PHTF2: variants seen among roughly 807,000 people sequenced by gnomAD.
PHTF2 encodes the protein putative homeodomain transcription factor 2.
In PHTF2, 60 loss-of-function variants were observed where a neutral mutation model predicts 101.2. That is an observed-to-expected ratio of 0.59 (90% CI 0.48 to 0.73). The LOEUF is 0.73. Among genes scored for constraint, PHTF2 ranks in the 30% least tolerant of loss-of-function variants. The pLI is 0.00. For synonymous variants in PHTF2, 311 were observed against 307.3 expected, an observed-to-expected ratio of 1.01 and a Z score of -0.13; for missense variants, 747 against 908.7, an observed-to-expected ratio of 0.82 and a Z score of 2.29.
chr7:77,880,271 A>G (rs570765471), intron 3 of PHTF2, among the ~76,000 whole-genome samples: 4 of 152,290 alleles, frequency 2.6e-5, no homozygotes, highest in East Asian at 3.9e-4. Context: ...TAAGTTGTCA[A>G]ACTAATCTTT....
chr7:77,863,702 T>C (rs62462681), intron 3 of PHTF2, among the ~76,000 whole-genome samples: 34,731 of 151,420 alleles, frequency 0.23, 4,337 homozygotes, highest in South Asian at 0.29. Context: ...AATCATGTCC[T>C]GATAGGATTT....
At chr7:77,817,731 G>A (rs565689419) in intron 1 of PHTF2, among the ~76,000 whole-genome samples, 5 of 152,256 alleles carry the variant, frequency 3.3e-5, no homozygotes, top group Admixed American at 1.3e-4. Flanking sequence ...ATGTTTATTC[G>A]CTACATGTAT....
At chr7:77,895,475 C>A (rs1304736519) in intron 5 of PHTF2, among the ~76,000 whole-genome samples, 2 of 152,006 alleles carry the variant, frequency 1.3e-5, no homozygotes, top group Non-Finnish European at 2.9e-5. Context: ...TGCCATAATA[C>A]CTTTTATCCT....
Position 77,822,174 on chromosome 7 carries a change from T to C in PHTF2, c.-35-18047T>C, listed in dbSNP as rs910295949. Reference sequence around the variant, plus strand: ...GCCAGACTGTTCCTCTGACTGGAAGTGTGGCAGTGGCAGCAGAGTGTTGGG... The same window carrying C: ...GCCAGACTGTTCCTCTGACTGGAAGCGTGGCAGTGGCAGCAGAGTGTTGGG... On this transcript the variant is annotated intron_variant, in intron 1 of 19. Coordinates refer to ENST00000416283, the Ensembl canonical transcript of PHTF2. Among the ~76,000 whole-genome samples the C allele has an allele frequency of 2.6e-5, 4 of 152,238 alleles. No individual in the cohort carries two copies. The East Asian group carries it at 5.8e-4, about 22-fold the overall frequency.
chr7:77,955,502 G>C (rs1266991449), exon 20 of PHTF2: 4 of 152,528 alleles, frequency 2.6e-5, no homozygotes, highest in African/African-American at 9.6e-5. Context: ...CATACTGTAA[G>C]ATATTTTGAT....
At chr7:77,928,417 A>C (rs766898047) in intron 11 of PHTF2, among the ~76,000 whole-genome samples, 1 of 152,194 alleles carries the variant, frequency 6.6e-6, no homozygotes, top group Non-Finnish European at 1.5e-5. Context: ...TTCTTGGTTT[A>C]AATATCAATT....
chr7:77,826,789 G>A (rs568462778), intron 1 of PHTF2, among the ~76,000 whole-genome samples: 1 of 152,330 alleles, frequency 6.6e-6, no homozygotes, highest in African/African-American at 2.4e-5. Flanking sequence ...TGCCAACCAA[G>A]TGGTTAATCA....
At chr7:77,802,024 A>AT (rs1792598206) in intron 1 of PHTF2, among the ~76,000 whole-genome samples, 1 of 152,218 alleles carries the variant, frequency 6.6e-6, no homozygotes, top group African/African-American at 2.4e-5. Context: ...ACAATAAATA[A>AT]TTTTAAGAGA....
chr7:77,822,854 T>C (rs1174211306), intron 1 of PHTF2, among the ~76,000 whole-genome samples: 1 of 152,098 alleles, frequency 6.6e-6, no homozygotes, highest in Non-Finnish European at 1.5e-5. Flanking sequence ...TGGGTGTCTC[T>C]AGTCAGTCAT....
At chr7:77,881,326 A>G (rs919976176) in intron 3 of PHTF2, among the ~76,000 whole-genome samples, 1 of 151,844 alleles carries the variant, frequency 6.6e-6, no homozygotes, top group Non-Finnish European at 1.5e-5. Flanking sequence ...TCTCCCCTCC[A>G]TATATATGTT....
chr7:77,923,548 G>T (rs1396707974), intron 11 of PHTF2: 1 of 985,190 alleles, frequency 1.0e-6, no homozygotes, highest in African/African-American at 1.7e-5. Flanking sequence ...CTTCTTTGTG[G>T]TTGTGTCTCT....
At position 77,830,346 on chromosome 7, in the gene PHTF2, T is replaced by C. The variant is rs143080564; in HGVS notation, c.-35-9875T>C. ...GATAAAGTTTATATTATAAATTAGG[T>C]ACAGTAAGACAGGGTCCCCAACCAG... On this transcript the variant is annotated intron_variant, in intron 1 of 19. Transcript: ENST00000416283. 1.7e-3 allele frequency among the ~76,000 whole-genome samples: 261 copies of C among 152,316 alleles called. 4 individuals carry two copies. The highest frequency in any genetic ancestry group is 5.8e-4 in the East Asian group (3 of 5,186).
chr7:77,930,039 C>T (rs960123393), intron 12 of PHTF2, among the ~76,000 whole-genome samples: 2 of 148,016 alleles, frequency 1.4e-5, no homozygotes, highest in East Asian at 4.0e-4. Context: ...CTGCAACCTT[C>T]GCCTCCCAGG....
intron 7 of PHTF2, among the ~76,000 whole-genome samples, chr7:77,907,659 C>G (rs1336043855): frequency 6.6e-6 from 1 of 152,096 alleles, no homozygotes; most frequent in Non-Finnish European, 1.5e-5. Context: ...ACCTAAATAC[C>G]CATCTCTTTA....
At chr7:77,868,972 G>A (rs1379785950) in intron 3 of PHTF2, among the ~76,000 whole-genome samples, 4 of 151,926 alleles carry the variant, frequency 2.6e-5, no homozygotes, top group African/African-American at 4.8e-5. Context: ...GATCCTATTC[G>A]TACTTTATTA....
At chr7:77,914,397 A>T (rs1802707996) in intron 9 of PHTF2, among the ~76,000 whole-genome samples, 1 of 152,204 alleles carries the variant, frequency 6.6e-6, no homozygotes, top group South Asian at 2.1e-4. Flanking sequence ...ACTAAGCTAA[A>T]CTCAAGAAGC....
At chr7:77,851,467 CTAAT>C (rs1220764825) in intron 2 of PHTF2, among the ~76,000 whole-genome samples, 11 of 151,988 alleles carry the variant, frequency 7.2e-5, no homozygotes, top group Non-Finnish European at 2.9e-5. Flanking sequence ...GTTTTCATCT[CTAAT>C]TATATTTATT....
intron 1 of PHTF2, among the ~76,000 whole-genome samples, chr7:77,837,359 C>T (rs1232091318): frequency 6.6e-6 from 1 of 152,108 alleles, no homozygotes; most frequent in Non-Finnish European, 1.5e-5. Context: ...CTTCATTATT[C>T]CTGAAATAAT....
At chr7:77,927,199 T>A (rs2049560) in intron 11 of PHTF2, among the ~76,000 whole-genome samples, 1 of 108,564 alleles carries the variant, frequency 9.2e-6, no homozygotes, top group Non-Finnish European at 1.8e-5. Flanking sequence ...TATATATACA[T>A]ACACACACAC....
Sources: gnomAD v4.1 joint callset for allele counts (sites outside exome capture counted in the v4.1 genomes callset) on GRCh38, gnomAD v4.1.1 for gene constraint, MANE v1.5 for transcripts, NCBI Gene and HGNC (gene_info 2026-07-23, HGNC 2026-07-21) for gene names.